DRC1: variants seen among roughly 807,000 people sequenced by gnomAD.
The protein encoded by DRC1 is dynein regulatory complex subunit 1, also known as dynein regulatory complex protein 1.
Under a neutral mutation model 98.7 loss-of-function variants are expected in DRC1, and 74 were observed. The ratio of observed to expected loss-of-function variants is 0.75; its 90% confidence interval spans 0.62 to 0.91. The LOEUF (loss-of-function observed/expected upper bound fraction) is 0.91. DRC1 is among the 40% of genes least tolerant of loss of function. The pLI, the probability that DRC1 is intolerant of heterozygous loss-of-function variation, is 0.00. For missense variants in DRC1, 875 were observed against 886.0 expected, an observed-to-expected ratio of 0.99 and a Z score of 0.16; for synonymous variants, 336 against 334.1, an observed-to-expected ratio of 1.01 and a Z score of -0.06.
chr2:26,433,681 G>C (rs551323980), intron 7 of DRC1, among the ~76,000 whole-genome samples: 23 of 152,240 alleles, frequency 1.5e-4, no homozygotes, highest in African/African-American at 5.3e-4. Flanking sequence ...AAAATTCTAG[G>C]ACATGGGGAG....
At chr2:26,449,974 A>T (rs1489145890) in intron 11 of DRC1, 22 bp from the exon 12 acceptor site, 1 of 1,611,574 alleles carries the variant, frequency 6.2e-7, no homozygotes, top group Non-Finnish European at 8.5e-7. Context: ...CCGACAGGAG[A>T]TGCCTTCTTC....
Position 26,453,304 on chromosome 2 carries a change from G to C in DRC1, c.1690-16G>C, listed in dbSNP as rs183967018. 22 of 1,613,818 alleles carry C rather than the reference G, an allele frequency of 1.4e-5. No homozygotes were observed. Among genetic ancestry groups the C allele is most frequent in the Non-Finnish European group, 1.9e-5 (22 of 1,179,948 alleles). On this transcript the variant is annotated splice_polypyrimidine_tract_variant and intron_variant, in intron 13 of 16. Coordinates refer to ENST00000288710, the MANE Select transcript of DRC1 (RefSeq NM_145038.5). ...GTGTGTCCCCAGCCCACAGTTGTCC[G>C]TGCATCTTTCTCCAGATCAAGCCCT...
chr2:26,424,830 T>C (rs1281401214), intron 4 of DRC1, among the ~76,000 whole-genome samples: 1 of 152,072 alleles, frequency 6.6e-6, no homozygotes, highest in Admixed American at 6.5e-5. Context: ...CACATACCTG[T>C]AATCTCAGCT....
chr2:26,446,327 G>T (rs1165470550), intron 10 of DRC1, among the ~76,000 whole-genome samples: 1 of 151,904 alleles, frequency 6.6e-6, no homozygotes, highest in Non-Finnish European at 1.5e-5. Context: ...CAAATCCTGG[G>T]CTCAAGCGAT....
At chr2:26,420,679 G>C (rs528006572) in intron 2 of DRC1, among the ~76,000 whole-genome samples, 1 of 151,892 alleles carries the variant, frequency 6.6e-6, no homozygotes, top group Non-Finnish European at 1.5e-5. Flanking sequence ...CTAGCCAAAC[G>C]CAGTGGCTTT....
In DRC1 at chr2:26,414,327, G is replaced by A. The variant is rs2147980000; in HGVS notation, c.156-17G>A. 2 of 1,612,526 alleles carry A rather than the reference G, an allele frequency of 1.2e-6. No individual in the cohort carries two copies. Among genetic ancestry groups the A allele is most frequent in the Middle Eastern group, 1.7e-4 (1 of 6,056 alleles). ...TATTAGAAATAACTTCATTTTCTCT[G>A]CTTTTTTCCATCACAGGGAAGCACT... On this transcript the variant is annotated splice_polypyrimidine_tract_variant and intron_variant, in intron 1 of 16. Transcript: ENST00000288710.
intron 1 of DRC1, among the ~76,000 whole-genome samples, chr2:26,413,522 A>G (rs6710942): frequency 0.27 from 41,491 of 152,114 alleles, 5,918 homozygotes; most frequent in Middle Eastern, 0.33. Flanking sequence ...AATCTTTTTT[A>G]GTCTCATAAT....
chr2:26,453,510 A>G lies in DRC1; in HGVS notation c.1880A>G (p.Lys627Arg). 2 of 1,614,176 alleles carry G rather than the reference A, an allele frequency of 1.2e-6. No homozygotes were observed. The highest frequency in any genetic ancestry group is 1.7e-6 in the Non-Finnish European group (2 of 1,180,026). ...PWVIHPNDVL[K>R]ILEAFVMGLK... ...GTCATCCACCCCAATGATGTCCTCA[A>G]GATTCTGGAGGCCTTCGTCATGGGT... Residue 627 changes from lysine to arginine, a missense_variant, in exon 14 of 17, where the codon AAG becomes AGG. Coordinates refer to ENST00000288710, the MANE Select transcript of DRC1 (RefSeq NM_145038.5).
chr2:26,426,909 T>C (rs929536576), intron 4 of DRC1, among the ~76,000 whole-genome samples: 1 of 152,238 alleles, frequency 6.6e-6, no homozygotes, highest in Admixed American at 6.5e-5. Context: ...CAGGATATCT[T>C]CCATTTGTTT....
At chr2:26,434,902 A>AT in intron 7 of DRC1, among the ~76,000 whole-genome samples, 1 of 151,868 alleles carries the variant, frequency 6.6e-6, no homozygotes, top group Middle Eastern at 3.4e-3. Flanking sequence ...AAAAAAAAAA[A>AT]AAAGAAAGAA....
At chr2:26,448,632 A>G (rs1213669131) in intron 10 of DRC1, 59 bp from the exon 11 acceptor site, 1 of 1,564,654 alleles carries the variant, frequency 6.4e-7, no homozygotes. Flanking sequence ...CTCAGAGTCA[A>G]CTAGCTCCAG....
At chr2:26,439,922 A>AATATATATATATATAT (rs60317791) in intron 7 of DRC1, among the ~76,000 whole-genome samples, 620 of 43,446 alleles carry the variant, frequency 0.014, 118 homozygotes, top group Non-Finnish European at 0.025. Flanking sequence ...CTAGTGTGTG[A>AATATATATATATATAT]ATATATATAT....
chr2:26,449,064 G>A (rs773536454), intron 11 of DRC1, among the ~76,000 whole-genome samples: 1 of 152,258 alleles, frequency 6.6e-6, no homozygotes, highest in African/African-American at 2.4e-5. Flanking sequence ...GCCAGCTGGA[G>A]GGCTCCTGCC....
At chr2:26,428,951 G>A (rs913351868) in intron 4 of DRC1, among the ~76,000 whole-genome samples, 1 of 152,178 alleles carries the variant, frequency 6.6e-6, no homozygotes, top group Non-Finnish European at 1.5e-5. Context: ...ATGCAACTTA[G>A]TCTGCAGTAG....
chr2:26,422,152 G>A (rs576840863), intron 3 of DRC1, among the ~76,000 whole-genome samples: 38 of 152,332 alleles, frequency 2.5e-4, no homozygotes, highest in African/African-American at 7.5e-4. Flanking sequence ...GAATTGAAGA[G>A]TAGGCATTTT....
chr2:26,420,166 C>G (rs1448315966), intron 2 of DRC1, among the ~76,000 whole-genome samples: 1 of 152,108 alleles, frequency 6.6e-6, no homozygotes, highest in Non-Finnish European at 1.5e-5. Context: ...AGAAGTGGGG[C>G]AGCAGAGGGT....
At chr2:26,421,452 G>T (rs1217780394) in intron 3 of DRC1, 52 bp downstream of exon 3, 1 of 1,499,528 alleles carries the variant, frequency 6.7e-7, no homozygotes, top group Admixed American at 1.8e-5. Context: ...ATCTCCATGG[G>T]TCCGGCAGTT....
chr2:26,455,940 CG>C (rs1558458909), intron 16 of DRC1, among the ~76,000 whole-genome samples: 1 of 152,122 alleles, frequency 6.6e-6, no homozygotes, highest in Non-Finnish European at 1.5e-5. Context: ...TAGTTGCACA[CG>C]TGTGAGGTGA....
At chr2:26,449,802 G>A (rs1301185971) in intron 11 of DRC1, among the ~76,000 whole-genome samples, 194 bp from the exon 12 acceptor site, 1 of 152,102 alleles carries the variant, frequency 6.6e-6, no homozygotes, top group African/African-American at 2.4e-5. Flanking sequence ...CTTGTCTCTG[G>A]CCTTGCTCCC....
Sources: gnomAD v4.1 joint callset for allele counts (sites outside exome capture counted in the v4.1 genomes callset) on GRCh38, gnomAD v4.1.1 for gene constraint, MANE v1.5 for transcripts, NCBI Gene and HGNC (gene_info 2026-07-23, HGNC 2026-07-21) for gene names.